The following EPHA6 variants were observed in gnomAD, a reference collection of about 807,000 sequenced individuals.
The protein encoded by EPHA6 is EPH receptor A6.
A neutral mutation model predicts 112.0 loss-of-function variants in EPHA6; 50 were observed. That is an observed-to-expected ratio of 0.45 (90% CI 0.36 to 0.56). The LOEUF is 0.56. Among genes scored for constraint, EPHA6 ranks in the 20% least tolerant of loss-of-function variants. The probability of loss-of-function intolerance (pLI) is 0.00; values close to 1 mark genes in which losing one functional copy is unlikely to be tolerated. For synonymous variants in EPHA6, 529 were observed against 490.7 expected, an observed-to-expected ratio of 1.08 and a Z score of -1.03; for missense variants, 1,280 against 1,417.4, an observed-to-expected ratio of 0.90 and a Z score of 1.56.
chr3:97,062,819 C>G (rs1368469521), intron 3 of EPHA6, among the ~76,000 whole-genome samples: 1 of 152,110 alleles, frequency 6.6e-6, no homozygotes, highest in Non-Finnish European at 1.5e-5. Context: ...TCCATTAAAC[C>G]TCTTTTTCTT....
At chr3:97,063,472 G>A (rs1417697619) in intron 3 of EPHA6, among the ~76,000 whole-genome samples, 1 of 152,146 alleles carries the variant, frequency 6.6e-6, no homozygotes, top group Non-Finnish European at 1.5e-5. Context: ...AACACTGCAT[G>A]TTCTCACTTA....
At chr3:97,353,797 A>G (rs915718708) in intron 5 of EPHA6, among the ~76,000 whole-genome samples, 10 of 152,266 alleles carry the variant, frequency 6.6e-5, no homozygotes, top group Admixed American at 4.6e-4. Context: ...CAGCCAGGCA[A>G]TGGCACCTGC....
intron 3 of EPHA6, among the ~76,000 whole-genome samples, chr3:97,225,060 A>T (rs537997010): frequency 2.9e-4 from 44 of 152,190 alleles, no homozygotes; most frequent in African/African-American, 1.0e-3. Context: ...GGTTCACGCC[A>T]TTCTCCTGCC....
chr3:97,405,908 A>G (rs2087312690), intron 6 of EPHA6, among the ~76,000 whole-genome samples: 1 of 151,938 alleles, frequency 6.6e-6, no homozygotes, highest in Non-Finnish European at 1.5e-5. Flanking sequence ...CCTTTATTAT[A>G]TTTATGTTCT....
intron 14 of EPHA6, among the ~76,000 whole-genome samples, chr3:97,662,915 T>A (rs769778387): frequency 6.6e-6 from 1 of 152,156 alleles, no homozygotes; most frequent in Non-Finnish European, 1.5e-5. Context: ...CAGGGCCTTG[T>A]CGAGGCCACC....
rs188471736 is a variant in EPHA6, at chr3:97,247,945, G to A, written c.1606+3658G>A. Among the ~76,000 whole-genome samples the A allele has an allele frequency of 3.2e-3, 493 of 151,962 alleles. 3 individuals are homozygous for A. The highest frequency in any genetic ancestry group is 0.011 in the African/African-American group (477 of 41,482). ...ATGCACATTGTGGAACATGAAGATC[G>A]ATATGAAATAAATTGGCATTGGTTT... On this transcript the variant is annotated intron_variant, in intron 5 of 17. Transcript: ENST00000389672.
At chr3:97,238,952 G>T (rs2108571177) in intron 4 of EPHA6, among the ~76,000 whole-genome samples, 1 of 151,948 alleles carries the variant, frequency 6.6e-6, no homozygotes, top group Middle Eastern at 3.4e-3. Context: ...TTGTTTGCCT[G>T]TTTTAACTAT....
intron 14 of EPHA6, among the ~76,000 whole-genome samples, chr3:97,683,680 G>A (rs1333865322): frequency 6.6e-6 from 1 of 152,064 alleles, no homozygotes; most frequent in Non-Finnish European, 1.5e-5. Context: ...GGTGGCTTGA[G>A]GGTTGATAAA....
intron 14 of EPHA6, among the ~76,000 whole-genome samples, chr3:97,690,258 C>T (rs573845332): frequency 6.6e-6 from 1 of 152,256 alleles, no homozygotes; most frequent in Non-Finnish European, 1.5e-5. Flanking sequence ...TTTATCATCC[C>T]ACTGGTAAGG....
At chr3:97,155,063 G>GT (rs1284622409) in intron 3 of EPHA6, among the ~76,000 whole-genome samples, 3 of 151,934 alleles carry the variant, frequency 2.0e-5, no homozygotes, top group South Asian at 2.1e-4. Context: ...ATTATGTGGG[G>GT]TTTTTTTGCA....
chr3:97,239,806 C>G (rs1234747185), intron 4 of EPHA6, among the ~76,000 whole-genome samples: 2 of 151,680 alleles, frequency 1.3e-5, no homozygotes, highest in Non-Finnish European at 2.9e-5. Flanking sequence ...GAAAAAGATT[C>G]CTCAATGTAA....
At chr3:96,937,757 T>A (rs1416745823) in intron 2 of EPHA6, among the ~76,000 whole-genome samples, 3 of 152,224 alleles carry the variant, frequency 2.0e-5, no homozygotes, top group Admixed American at 1.3e-4. Context: ...CATTGAAGTC[T>A]TTAATCCATC....
intron 3 of EPHA6, among the ~76,000 whole-genome samples, chr3:97,108,936 A>T (rs973213051): frequency 3.3e-5 from 5 of 152,148 alleles, no homozygotes; most frequent in African/African-American, 1.2e-4. Flanking sequence ...TGGACATCAA[A>T]TGTTGCAGCC....
At chr3:97,136,568 A>AT (rs532796064) in intron 3 of EPHA6, among the ~76,000 whole-genome samples, 12 of 152,026 alleles carry the variant, frequency 7.9e-5, no homozygotes, top group Non-Finnish European at 1.3e-4. Context: ...ACAATTAAAG[A>AT]TAAAAAAAAT....
At chr3:97,675,760 T>G (rs1446485873) in intron 14 of EPHA6, among the ~76,000 whole-genome samples, 1 of 152,170 alleles carries the variant, frequency 6.6e-6, no homozygotes, top group Admixed American at 6.5e-5. Flanking sequence ...AAATTGAATC[T>G]TACATCAAAA....
chr3:97,610,965 G>T (rs1397159593), intron 13 of EPHA6, 111 bp downstream of exon 13: 33 of 868,190 alleles, frequency 3.8e-5, no homozygotes, highest in Non-Finnish European at 5.9e-5. Context: ...TTTCTGTGAA[G>T]AATAGCAGTG....
At chr3:97,358,793 C>A (rs548591281) in intron 5 of EPHA6, among the ~76,000 whole-genome samples, 1 of 152,138 alleles carries the variant, frequency 6.6e-6, no homozygotes, top group East Asian at 1.9e-4. Context: ...TATTTAATTT[C>A]TCCCTTACTT....
intron 3 of EPHA6, among the ~76,000 whole-genome samples, chr3:97,060,778 G>A (rs1412721104): frequency 6.6e-6 from 1 of 151,388 alleles, no homozygotes; most frequent in Non-Finnish European, 1.5e-5. Flanking sequence ...ATAATAATTA[G>A]CCGGGCGTAG....
At chr3:97,193,848 G>A (rs937787330) in intron 3 of EPHA6, among the ~76,000 whole-genome samples, 5 of 151,910 alleles carry the variant, frequency 3.3e-5, no homozygotes, top group South Asian at 2.1e-4. Context: ...TTTCTATCAC[G>A]AAGGGATATT....
Sources: allele counts gnomAD v4.1 joint callset (sites outside exome capture counted in the v4.1 genomes callset), GRCh38; gene constraint gnomAD v4.1.1; transcripts MANE v1.5; gene names NCBI Gene and HGNC (gene_info 2026-07-23, HGNC 2026-07-21).